Variants in TBXAS1 observed in about 807,000 individuals in gnomAD.
TBXAS1 encodes thromboxane-A synthase.
A neutral mutation model predicts 60.7 loss-of-function variants in TBXAS1; 48 were observed. The ratio of observed to expected loss-of-function variants is 0.79; its 90% confidence interval spans 0.63 to 1.01. The LOEUF (loss-of-function observed/expected upper bound fraction) is 1.01, where lower values mean the gene tolerates loss of function less well. TBXAS1 is among the 50% of genes least tolerant of loss of function. TBXAS1 has a pLI of 0.00. For missense variants in TBXAS1, 685 were observed against 686.3 expected, an observed-to-expected ratio of 1.00 and a Z score of 0.02; for synonymous variants, 287 against 269.7, an observed-to-expected ratio of 1.06 and a Z score of -0.63.
intron 3 of TBXAS1, among the ~76,000 whole-genome samples, chr7:139,903,876 T>G (rs1405451701): frequency 6.6e-6 from 1 of 152,020 alleles, no homozygotes; most frequent in Non-Finnish European, 1.5e-5. Context: ...ATATAGATTG[T>G]GAAGATTTTC....
At chr7:139,821,404 C>T (rs756386484) in intron 4 of TBXAS1, among the ~76,000 whole-genome samples, 6 of 152,152 alleles carry the variant, frequency 3.9e-5, no homozygotes, top group Non-Finnish European at 7.3e-5. Context: ...GTGATGTTAA[C>T]AAAAGCCAAG....
chr7:140,007,858 A>G (rs1366439486), intron 10 of TBXAS1, among the ~76,000 whole-genome samples: 1 of 152,196 alleles, frequency 6.6e-6, no homozygotes, highest in Non-Finnish European at 1.5e-5. Flanking sequence ...CATTTCACTA[A>G]TGTACACACC....
intron 1 of TBXAS1, among the ~76,000 whole-genome samples, chr7:139,836,403 C>T (rs1799065161): frequency 6.6e-6 from 1 of 152,186 alleles, no homozygotes; most frequent in Admixed American, 6.5e-5. Context: ...CCTCACATTA[C>T]CTTATTTCAA....
At position 139,957,200 on chromosome 7, in the gene TBXAS1, T is replaced by G. The variant is rs116617089; in HGVS notation, c.689-434T>G. On this transcript the variant is annotated intron_variant, in intron 7 of 12. Transcript: ENST00000448866. ...CAGGAGGTCATGCTGGGAACAATTA[T>G]CCACTGGAAAGAAAATTCAAATGAC... 2.0e-3 allele frequency among the ~76,000 whole-genome samples: 300 copies of G among 152,314 alleles called. 3 individuals are homozygous for G. The highest frequency in any genetic ancestry group is 6.8e-3 in the African/African-American group (282 of 41,554).
At chr7:139,941,008 C>T (rs1016888051) in intron 5 of TBXAS1, among the ~76,000 whole-genome samples, 1 of 152,028 alleles carries the variant, frequency 6.6e-6, no homozygotes, top group Admixed American at 6.6e-5. Flanking sequence ...TATACACATA[C>T]AAAAAGTCAC....
At chr7:139,939,136 G>T (rs529436227) in intron 5 of TBXAS1, among the ~76,000 whole-genome samples, 52 of 152,292 alleles carry the variant, frequency 3.4e-4, no homozygotes, top group Non-Finnish European at 6.6e-4. Flanking sequence ...AGGCCGAAGC[G>T]GGTGGATCAC....
At chr7:139,785,754 A>T (rs940960090) in intron 3 of TBXAS1, among the ~76,000 whole-genome samples, 1 of 151,700 alleles carries the variant, frequency 6.6e-6, no homozygotes, top group Non-Finnish European at 1.5e-5. Flanking sequence ...TGACACCTAA[A>T]TCCCATCATG....
At chr7:140,001,169 AT>A (rs1813646635) in intron 9 of TBXAS1, among the ~76,000 whole-genome samples, 1 of 152,090 alleles carries the variant, frequency 6.6e-6, no homozygotes, top group Non-Finnish European at 1.5e-5. Context: ...TGATTTTGAG[AT>A]TTCCCCCCAG....
chr7:139,820,041 A>G (rs1798255153), intron 4 of TBXAS1, among the ~76,000 whole-genome samples: 1 of 151,808 alleles, frequency 6.6e-6, no homozygotes, highest in Non-Finnish European at 1.5e-5. Context: ...CAAACTCTGG[A>G]TTCTAACTTT....
intron 1 of TBXAS1, among the ~76,000 whole-genome samples, chr7:139,837,472 T>C (rs947507092): frequency 2.0e-5 from 3 of 152,242 alleles, no homozygotes; most frequent in Non-Finnish European, 4.4e-5. Context: ...GATGGAATAC[T>C]ATGCAGCCAT....
At chr7:139,887,509 A>G (rs531768609) in intron 3 of TBXAS1, among the ~76,000 whole-genome samples, 2 of 152,326 alleles carry the variant, frequency 1.3e-5, no homozygotes, top group African/African-American at 4.8e-5. Flanking sequence ...ACCTCAATAA[A>G]GTGGAATCAT....
intron 3 of TBXAS1, chr7:139,906,058 T>C: frequency 2.6e-6 from 1 of 383,162 alleles, no homozygotes; most frequent in Non-Finnish European, 5.1e-6. Context: ...TGGATGCCAA[T>C]TACTCTAGCA....
Position 140,017,660 on chromosome 7 carries a change from C to T in TBXAS1, c.1365-11C>T, listed in dbSNP as rs774966294. ...GTGTTCTGGGCCAGCCCTGACCACA[C>T]GGACCTGCAGGTTCACGGCTGAGGC... On this transcript the variant is annotated splice_polypyrimidine_tract_variant and intron_variant, in intron 11 of 12. Transcript: ENST00000448866. 45 of 1,612,198 alleles carry T rather than the reference C, an allele frequency of 2.8e-5. No individual in the cohort carries two copies. Among genetic ancestry groups the T allele is most frequent in the Admixed American group, 8.3e-5 (5 of 59,962 alleles).
intron 4 of TBXAS1, among the ~76,000 whole-genome samples, chr7:139,812,478 A>G (rs541907204): frequency 5.3e-5 from 8 of 152,350 alleles, no homozygotes; most frequent in Non-Finnish European, 1.5e-5. Context: ...CATAAGGAAG[A>G]AAATCTCCTT....
At chr7:139,962,385 T>C (rs1810444110) in intron 9 of TBXAS1, 152 bp downstream of exon 9, 1 of 932,924 alleles carries the variant, frequency 1.1e-6, no homozygotes, top group Non-Finnish European at 1.6e-6. Context: ...TCTCCTGCTC[T>C]CCGGGTTAGC....
chr7:139,792,281 C>G (rs1427015029), intron 4 of TBXAS1, among the ~76,000 whole-genome samples: 1 of 152,156 alleles, frequency 6.6e-6, no homozygotes, highest in East Asian at 1.9e-4. Flanking sequence ...CTTGAGTAAA[C>G]TGGTAAAATA....
intron 4 of TBXAS1, among the ~76,000 whole-genome samples, chr7:139,807,556 T>C (rs1296270713): frequency 1.3e-5 from 2 of 152,154 alleles, no homozygotes; most frequent in Non-Finnish European, 2.9e-5. Context: ...GCTAATTTTT[T>C]GTATTTTTAG....
At chr7:139,838,161 T>C (rs1395308063) in intron 1 of TBXAS1, among the ~76,000 whole-genome samples, 1 of 151,790 alleles carries the variant, frequency 6.6e-6, no homozygotes, top group East Asian at 1.9e-4. Context: ...TGGGCTGGGG[T>C]CAGAGCGACG....
In TBXAS1 at chr7:139,955,585, C is replaced by T. The variant is rs1809799556; in HGVS notation, c.666C>T (p.Pro222=). 1 of 1,614,110 alleles carries T rather than the reference C, an allele frequency of 6.2e-7. No individual in the cohort carries two copies. Among genetic ancestry groups the T allele is most frequent in the Non-Finnish European group, 8.5e-7 (1 of 1,180,060 alleles). ...AGCGTTTCTTCGAATTCTGCATCCC[C>T]AGACCTATCCTGGTTTTACTCTGTA... is the stretch of plus-strand genomic sequence containing the variant. ...HCKRFFEFCI[P]RPILVLLLSF... The change falls in exon 7 of 13, where the codon CCC becomes CCT. Residue 222 remains proline (P), a synonymous_variant. Coordinates refer to ENST00000448866, the MANE Select transcript of TBXAS1 (RefSeq NM_001061.7).
Sources: allele counts gnomAD v4.1 joint callset (sites outside exome capture counted in the v4.1 genomes callset), GRCh38; gene constraint gnomAD v4.1.1; transcripts MANE v1.5; gene names NCBI Gene and HGNC (gene_info 2026-07-23, HGNC 2026-07-21).